IL17REL: variants seen among roughly 807,000 people sequenced by gnomAD.
IL17REL encodes the protein interleukin 17 receptor E like, also known as interleukin-17 receptor E-like protein.
A neutral mutation model predicts 49.0 loss-of-function variants in IL17REL; 36 were observed. That is an observed-to-expected ratio of 0.73 (90% CI 0.56 to 0.97). The LOEUF is 0.97. IL17REL is among the 50% of genes least tolerant of loss of function. The pLI, the probability that IL17REL is intolerant of heterozygous loss-of-function variation, is 0.00. For missense variants in IL17REL, 470 were observed against 453.9 expected, an observed-to-expected ratio of 1.04 and a Z score of -0.32; for synonymous variants, 206 against 192.4, an observed-to-expected ratio of 1.07 and a Z score of -0.58.
At chr22:49,999,669 G>A (rs1229018927) in intron 5 of IL17REL, among the ~76,000 whole-genome samples, 159 bp downstream of exon 7, 1 of 126,166 alleles carries the variant, frequency 7.9e-6, no homozygotes, top group African/African-American at 2.8e-5. Flanking sequence ...CCTGGCCGGG[G>A]GCGGGGCGCG....
At chr22:50,008,343 C>G (rs772312308) in intron 1 of IL17REL, among the ~76,000 whole-genome samples, 31 of 152,198 alleles carry the variant, frequency 2.0e-4, no homozygotes, top group Non-Finnish European at 2.5e-4. Context: ...GGTTTTCCAC[C>G]TGCTGCTTCT....
chr22:49,997,453 G>A, intron 10 of IL17REL: 2 of 1,587,190 alleles, frequency 1.3e-6, no homozygotes, highest in Non-Finnish European at 1.7e-6. Flanking sequence ...GTGGCCCTTT[G>A]TGGGCGAAGG....
intron 10 of IL17REL, chr22:49,997,436 C>T (rs1029485533): frequency 5.0e-6 from 8 of 1,609,534 alleles, no homozygotes; most frequent in Non-Finnish European, 6.8e-6. Context: ...AAGAAGGTGA[C>T]CCGGAGGTGG....
intron 1 of IL17REL, among the ~76,000 whole-genome samples, chr22:50,005,255 A>T (rs568257642): frequency 2.3e-4 from 35 of 152,306 alleles, no homozygotes; most frequent in Non-Finnish European, 3.8e-4. Flanking sequence ...GTGAAACTAC[A>T]ATTCATCATA....
downstream of IL17REL, among the ~76,000 whole-genome samples, chr22:49,994,022 C>T (rs1348131978): frequency 2.0e-5 from 3 of 151,980 alleles, no homozygotes; most frequent in Admixed American, 6.5e-5. Flanking sequence ...CTGACCTCCC[C>T]CAGGCTAGGG....
At chr22:49,996,682 C>T (rs756004665) in exon 13 of IL17REL, 5 of 273,560 alleles carry the variant, frequency 1.8e-5, no homozygotes, top group Non-Finnish European at 2.7e-5. Flanking sequence ...GACTCAGGGC[C>T]GGATGGTCTC....
At chr22:50,006,954 CA>C (rs34032002) in intron 1 of IL17REL, among the ~76,000 whole-genome samples, 1,219 of 101,880 alleles carry the variant, frequency 0.012, 5 homozygotes, top group Non-Finnish European at 0.018. Flanking sequence ...GACTCTGTCT[CA>C]AAAAAAAAAA....
Position 49,999,729 on chromosome 22 carries a change from C to A in IL17REL, c.474+99G>T, listed in dbSNP as rs1160136178. The A allele has an allele frequency of 1.4e-5, 7 of 506,688 alleles. 1 individual carries two copies. Among genetic ancestry groups the A allele is most frequent in the Non-Finnish European group, 1.6e-5 (7 of 430,708 alleles). 31.4% of individuals were successfully genotyped at this position (506,688 alleles called of 1,614,324 possible). A position where few individuals can be genotyped will look rare whatever the true frequency, so the allele number is the denominator to read the frequency against. The stretch of plus-strand genomic sequence containing the variant: ...CCGGGGGCGGGGCGCGGGGGGTGGG[C>A]GGGGCGCGGGGTGGGCGGGGCCTAA... On this transcript the variant is annotated intron_variant, in intron 5 of 12. Coordinates refer to ENST00000341280, the Ensembl canonical transcript of IL17REL.
downstream of IL17REL, among the ~76,000 whole-genome samples, chr22:49,993,443 C>T (rs561842707): frequency 6.6e-6 from 1 of 152,248 alleles, no homozygotes; most frequent in South Asian, 2.1e-4. This position sits in a 1 kb window ranked among gnomAD's most constrained non-coding sequence, Gnocchi z 6.0. Flanking sequence ...GGGAGGGCAG[C>T]GTCCCTGGCC....
At chr22:50,004,671 G>GGTTTGGTTGACCAA (rs1601890800) in intron 1 of IL17REL, among the ~76,000 whole-genome samples, 1 of 151,722 alleles carries the variant, frequency 6.6e-6, no homozygotes, top group East Asian at 2.0e-4. Flanking sequence ...GACCAGCCTG[G>GGTTTGGTTGACCAA]CCAACATGGT....
chr22:50,000,451 G>A (rs1018353776), intron 4 of IL17REL, 27 bp downstream of exon 5: 1 of 1,552,046 alleles, frequency 6.4e-7, no homozygotes, highest in Non-Finnish European at 8.9e-7. Context: ...AACGGTAGCT[G>A]TGCTCAGGGG....
At chr22:50,004,456 G>A (rs1420739551) in intron 1 of IL17REL, among the ~76,000 whole-genome samples, 1 of 152,168 alleles carries the variant, frequency 6.6e-6, no homozygotes, top group Non-Finnish European at 1.5e-5. Flanking sequence ...AGGGGAGTGA[G>A]GGGAGCTTTG....
chr22:50,002,162 G>A (rs1206942047), intron 1 of IL17REL, among the ~76,000 whole-genome samples: 1 of 152,144 alleles, frequency 6.6e-6, no homozygotes, highest in Non-Finnish European at 1.5e-5. Context: ...TCCTCCACAG[G>A]GTGTAACCCA....
In IL17REL at chr22:49,998,288, A is replaced by G. The variant is rs779815370; in HGVS notation, c.623T>C (p.Leu208Pro). ...CGGGTGGTAGTAGACCGTGTCCCACAGCACCTCCAGTGCCTCAGTGTCTGC... is the reference window on the plus strand; with the variant it reads ...CGGGTGGTAGTAGACCGTGTCCCACGGCACCTCCAGTGCCTCAGTGTCTGC... Residue 208 changes from leucine (L) to proline (P), a missense_variant, in exon 8 of 13, where the codon CTG becomes CCG. Transcript: ENST00000341280. 5 of 1,608,608 alleles carry G rather than the reference A, an allele frequency of 3.1e-6. No homozygotes were observed. The East Asian group carries it at 1.1e-4, about 36-fold the overall frequency.
intron 7 of IL17REL, 44 bp from the exon 10 acceptor site, chr22:49,998,353 C>T (rs757096088): frequency 3.2e-6 from 5 of 1,550,746 alleles, no homozygotes; most frequent in Non-Finnish European, 4.4e-6. Flanking sequence ...GGGCCCTACC[C>T]TGGCTGCCAG....
rs550857508 is a variant in IL17REL, at chr22:49,998,326, C to T, written c.602-17G>A. ...CCTCAGTGTCTGCAGGAACCCTCCC[C>T]GAAACACAGGTCAGTTGGGCCCTAC... On this transcript the variant is annotated splice_polypyrimidine_tract_variant and intron_variant, in intron 7 of 12. Coordinates refer to ENST00000341280, the Ensembl canonical transcript of IL17REL. The T allele has an allele frequency of 3.4e-5, 54 of 1,584,838 alleles. No individual in the cohort carries two copies. In the South Asian group the frequency reaches 5.3e-4, roughly 16 times the overall value.
chr22:50,000,906 C>T (rs770297522), intron 2 of IL17REL, 43 bp from the exon 4 acceptor site: 20 of 1,440,796 alleles, frequency 1.4e-5, no homozygotes, highest in South Asian at 8.2e-5. Flanking sequence ...AGAGCAGGGC[C>T]GCCCCTGGCT....
chr22:50,004,780 A>G (rs924116427), intron 1 of IL17REL, among the ~76,000 whole-genome samples: 3 of 151,222 alleles, frequency 2.0e-5, no homozygotes, highest in African/African-American at 7.3e-5. Flanking sequence ...AGAGGAAGGG[A>G]GGCAGAGGTT....
chr22:50,001,840 G>C (rs1350528028), intron 1 of IL17REL, among the ~76,000 whole-genome samples: 1 of 152,342 alleles, frequency 6.6e-6, no homozygotes, highest in South Asian at 2.1e-4. Context: ...AGAACTTCAC[G>C]TGAGCCACAG....
Sources: gnomAD v4.1 joint callset for allele counts (sites outside exome capture counted in the v4.1 genomes callset) on GRCh38, gnomAD v4.1.1 for gene constraint, Gnocchi (gnomAD v3.1) non-coding constraint, MANE v1.5 for transcripts, NCBI Gene and HGNC (gene_info 2026-07-23, HGNC 2026-07-21) for gene names.